The following ANKRD44 variants were observed in gnomAD, a reference collection of about 807,000 sequenced individuals.
The protein encoded by ANKRD44 is serine/threonine-protein phosphatase 6 regulatory ankyrin repeat subunit B.
ANKRD44 carries 35 observed loss-of-function variants against 116.0 expected under a neutral mutation model. The ratio of observed to expected loss-of-function variants is 0.30; its 90% CI spans 0.23 to 0.40. ANKRD44 has a LOEUF of 0.40. ANKRD44 is among the 10% of genes least tolerant of loss of function. ANKRD44 has a pLI of 1.00. For missense variants in ANKRD44, 1,014 were observed against 1,242.6 expected (o/e 0.82, Z 2.77); for synonymous variants, 435 against 461.8 (o/e 0.94, Z 0.74).
intron 24 of ANKRD44, 39 bp from the exon 25 acceptor site, chr2:196,998,458 T>C (rs963534575): frequency 2.1e-6 from 3 of 1,440,230 alleles, no homozygotes; most frequent in Non-Finnish European, 2.9e-6. Context: ...TTAGATGAGA[T>C]GCTAATTACA....
intron 1 of ANKRD44, among the ~76,000 whole-genome samples, chr2:197,260,191 G>A (rs184200154): frequency 0.018 from 2,757 of 151,870 alleles, 50 homozygotes; most frequent in Non-Finnish European, 0.028. Flanking sequence ...CCATTAACTC[G>A]TCATTTAGCA....
chr2:197,290,584 AAAAG>A (rs1354297907), intron 1 of ANKRD44, among the ~76,000 whole-genome samples: 1 of 152,198 alleles, frequency 6.6e-6, no homozygotes, highest in Non-Finnish European at 1.5e-5. Context: ...ACTCATTTTA[AAAAG>A]AAAGAGCCTC....
chr2:197,109,048 G>A (rs1239139979), intron 9 of ANKRD44, among the ~76,000 whole-genome samples: 1 of 152,216 alleles, frequency 6.6e-6, no homozygotes, highest in Non-Finnish European at 1.5e-5. Flanking sequence ...ATGGCCTGAC[G>A]CACAGGGATG....
intron 26 of ANKRD44, 138 bp downstream of exon 26, chr2:196,995,241 T>G: frequency 2.1e-6 from 1 of 479,494 alleles, no homozygotes; most frequent in Admixed American, 4.1e-5. Flanking sequence ...ACTGTCACCT[T>G]CATGCAGGGG....
At chr2:197,069,887 TCTC>T (rs1472048569) in intron 16 of ANKRD44, among the ~76,000 whole-genome samples, 5 of 148,908 alleles carry the variant, frequency 3.4e-5, no homozygotes, top group Non-Finnish European at 7.5e-5. Context: ...ACAGAATGTC[TCTC>T]CTTTTTTTTT....
intron 1 of ANKRD44, among the ~76,000 whole-genome samples, chr2:197,277,786 G>A (rs148224469): frequency 1.6e-4 from 24 of 152,234 alleles, no homozygotes; most frequent in African/African-American, 5.1e-4. Context: ...TGCTATTAGC[G>A]CTGTCACCAG....
intron 16 of ANKRD44, among the ~76,000 whole-genome samples, chr2:197,058,844 AC>A (rs2077254633): frequency 6.6e-6 from 1 of 152,200 alleles, no homozygotes; most frequent in Non-Finnish European, 1.5e-5. Flanking sequence ...TGGAATGGTG[AC>A]AAGCAGCCAA....
At position 197,013,576 on chromosome 2, in the gene ANKRD44, A is replaced by G. The variant is rs113878772; in HGVS notation, c.1859T>C (p.Ile620Thr). Residue 620 changes from isoleucine (I) to threonine (T), a missense_variant, in exon 18 of 28, where the codon ATC (isoleucine) becomes ACC (threonine). Transcript: ENST00000282272. ...KGHTECVEAL[I>T]NQGASIFVKD... is the part of the protein sequence containing the mutation. ...CACAAAGATGGATGCGCCCTGATTG[A>G]TAAGCGCTTCCACACATTCTGTGTG... 6.2e-7 allele frequency: 1 copy of G among 1,614,214 alleles called. No individual in the cohort carries two copies. Among genetic ancestry groups the G allele is most frequent in the Middle Eastern group, 1.6e-4 (1 of 6,062 alleles).
At chr2:196,997,166 A>G (rs1028441296) in intron 25 of ANKRD44, among the ~76,000 whole-genome samples, 1 of 151,574 alleles carries the variant, frequency 6.6e-6, no homozygotes, top group African/African-American at 2.4e-5. Flanking sequence ...AATCCAAAAA[A>G]TCCTAAATCT....
At chr2:196,975,074 T>A (rs1486720489) in intron 21 of ANKRD44, among the ~76,000 whole-genome samples, 2 of 151,892 alleles carry the variant, frequency 1.3e-5, no homozygotes, top group African/African-American at 4.8e-5. Flanking sequence ...CTACCACGAC[T>A]AAAGAAGAAA....
At chr2:197,190,676 T>A (rs1411209493) in intron 1 of ANKRD44, among the ~76,000 whole-genome samples, 2 of 152,210 alleles carry the variant, frequency 1.3e-5, no homozygotes, top group African/African-American at 4.8e-5. Flanking sequence ...ATCTAAATAC[T>A]ATATTATATG....
intron 16 of ANKRD44, among the ~76,000 whole-genome samples, chr2:197,066,058 G>A (rs1032578555): frequency 1.3e-5 from 2 of 152,118 alleles, no homozygotes; most frequent in East Asian, 1.9e-4. Context: ...CTGGCAAACC[G>A]AATCCAGCAG....
intron 4 of ANKRD44, among the ~76,000 whole-genome samples, chr2:197,133,200 C>G (rs1449931918): frequency 6.6e-6 from 1 of 152,182 alleles, no homozygotes; most frequent in African/African-American, 2.4e-5. Context: ...TCAGTTTCTC[C>G]AATTCTTGGG....
At chr2:197,149,725 T>C (rs1005586476) in intron 2 of ANKRD44, among the ~76,000 whole-genome samples, 1 of 152,198 alleles carries the variant, frequency 6.6e-6, no homozygotes, top group East Asian at 1.9e-4. Context: ...TAACGTCTTC[T>C]CTTCTAACAA....
At chr2:197,069,271 G>C (rs558002346) in intron 16 of ANKRD44, among the ~76,000 whole-genome samples, 1 of 152,058 alleles carries the variant, frequency 6.6e-6, no homozygotes, top group African/African-American at 2.4e-5. Flanking sequence ...GACACAGGAA[G>C]GGGAACATCA....
chr2:196,981,429 T>C (rs942719368), intron 21 of ANKRD44, among the ~76,000 whole-genome samples: 1 of 152,218 alleles, frequency 6.6e-6, no homozygotes, highest in Non-Finnish European at 1.5e-5. Context: ...TTTATGATTA[T>C]AAATCTTGAG....
chr2:197,026,387 A>G (rs1213318107), intron 16 of ANKRD44, among the ~76,000 whole-genome samples: 1 of 152,208 alleles, frequency 6.6e-6, no homozygotes, highest in Non-Finnish European at 1.5e-5. Context: ...ATGTAGGGTG[A>G]TTAGGGAAAG....
chr2:196,967,530 G>GCA (rs2075682723), intron 21 of ANKRD44: 2 of 420,038 alleles, frequency 4.8e-6, no homozygotes, highest in African/African-American at 4.1e-5. Flanking sequence ...AAAAGAAAGT[G>GCA]CAATTATGTT....
intron 1 of ANKRD44, among the ~76,000 whole-genome samples, chr2:197,197,548 T>C (rs974803730): frequency 1.3e-5 from 2 of 152,086 alleles, no homozygotes; most frequent in Non-Finnish European, 2.9e-5. Flanking sequence ...CAGTAGCTCA[T>C]GCTTGTAATC....
Sources: gnomAD v4.1 joint callset for allele counts (sites outside exome capture counted in the v4.1 genomes callset) on GRCh38, gnomAD v4.1.1 for gene constraint, MANE v1.5 for transcripts, NCBI Gene and HGNC (gene_info 2026-07-23, HGNC 2026-07-21) for gene names.